The following NGF variants were observed in gnomAD, a reference collection of about 807,000 sequenced individuals.
NGF encodes the protein beta-nerve growth factor.
NGF carries 4 observed loss-of-function variants against 12.8 expected under a neutral mutation model. The observed-to-expected ratio is 0.31, with a 90% confidence interval of 0.15 to 0.72. The LOEUF is 0.72. NGF is among the 30% of genes least tolerant of loss of function. The pLI is 0.69. For synonymous variants in NGF, 140 were observed against 130.0 expected, an observed-to-expected ratio of 1.08 and a Z score of -0.52; for missense variants, 283 against 330.8, an observed-to-expected ratio of 0.86 and a Z score of 1.12.
intron 1 of NGF, among the ~76,000 whole-genome samples, chr1:115,336,569 T>C (rs943575826): frequency 2.0e-5 from 3 of 152,204 alleles, no homozygotes; most frequent in African/African-American, 7.2e-5. Context: ...GTTGCTCAGG[T>C]TGACGTATGA....
chr1:115,324,581 G>A (rs1339624772), intron 1 of NGF, among the ~76,000 whole-genome samples: 2 of 151,970 alleles, frequency 1.3e-5, no homozygotes, highest in Non-Finnish European at 2.9e-5. Flanking sequence ...TCAGAGCCTG[G>A]ACCCCTGAGC....
At chr1:115,322,116 T>C (rs1356993438) in intron 1 of NGF, among the ~76,000 whole-genome samples, 1 of 152,238 alleles carries the variant, frequency 6.6e-6, no homozygotes, top group East Asian at 1.9e-4. Context: ...GAGACAACCC[T>C]ACAATTTGCT....
intron 2 of NGF, among the ~76,000 whole-genome samples, chr1:115,288,052 CA>C (rs1653571057): frequency 6.6e-6 from 1 of 152,172 alleles, no homozygotes; most frequent in South Asian, 2.1e-4. Flanking sequence ...TCCTTTCTCC[CA>C]TCTCTCCTTC....
chr1:115,337,753 G>A (rs1655174839), intron 1 of NGF, among the ~76,000 whole-genome samples: 1 of 152,144 alleles, frequency 6.6e-6, no homozygotes, highest in Non-Finnish European at 1.5e-5. Context: ...GCTCACCTCA[G>A]CCAGCGCGCT....
At chr1:115,322,665 G>T (rs1450220478) in intron 1 of NGF, among the ~76,000 whole-genome samples, 1 of 152,200 alleles carries the variant, frequency 6.6e-6, no homozygotes, top group Admixed American at 6.5e-5. Context: ...TTTGAGGCTT[G>T]TGTGCCCGGA....
At chr1:115,316,975 A>G (rs1317690061) in intron 1 of NGF, among the ~76,000 whole-genome samples, 1 of 152,154 alleles carries the variant, frequency 6.6e-6, no homozygotes, top group Non-Finnish European at 1.5e-5. Context: ...TATTTAGGGT[A>G]CATCCTTCCA....
intron 2 of NGF, 23 bp from the exon 3 acceptor site, chr1:115,286,830 G>T (rs369428555): frequency 1.9e-6 from 3 of 1,613,452 alleles, no homozygotes; most frequent in Non-Finnish European, 1.7e-6. Context: ...AGAAATGAGG[G>T]TGACTTCATG....
intron 1 of NGF, among the ~76,000 whole-genome samples, chr1:115,319,040 G>A (rs1654547999): frequency 6.6e-6 from 1 of 152,156 alleles, no homozygotes; most frequent in Non-Finnish European, 1.5e-5. Context: ...GCGTCCTGGT[G>A]GGGAGACATA....
intron 1 of NGF, among the ~76,000 whole-genome samples, chr1:115,300,606 G>A (rs913898450): frequency 2.6e-5 from 4 of 152,204 alleles, no homozygotes; most frequent in Admixed American, 1.3e-4. Context: ...AGCTGCCATC[G>A]CGTCTTGAGC....
At chr1:115,290,281 T>C (rs1653646305) in intron 2 of NGF, among the ~76,000 whole-genome samples, 1 of 151,548 alleles carries the variant, frequency 6.6e-6, no homozygotes, top group Non-Finnish European at 1.5e-5. Context: ...CCTTTTCTGC[T>C]CTCCACCTCT....
At chr1:115,327,088 A>G (rs1220497664) in intron 1 of NGF, among the ~76,000 whole-genome samples, 1 of 152,212 alleles carries the variant, frequency 6.6e-6, no homozygotes, top group Admixed American at 6.5e-5. Context: ...TATTTCTTAC[A>G]TAATAACTTT....
intron 1 of NGF, among the ~76,000 whole-genome samples, chr1:115,294,174 C>T (rs192273368): frequency 7.3e-4 from 111 of 152,328 alleles, no homozygotes; most frequent in South Asian, 5.4e-3. Flanking sequence ...AAATCCCTGA[C>T]AATTCAGAGC....
At chr1:115,302,323 T>C (rs1654060839) in intron 1 of NGF, among the ~76,000 whole-genome samples, 1 of 152,180 alleles carries the variant, frequency 6.6e-6, no homozygotes, top group Admixed American at 6.5e-5. Context: ...CCACCTTCTT[T>C]ATGAGCACTA....
intron 1 of NGF, among the ~76,000 whole-genome samples, chr1:115,306,419 A>C (rs1167987353): frequency 1.3e-5 from 2 of 152,226 alleles, no homozygotes; most frequent in African/African-American, 2.4e-5. Flanking sequence ...AGTAAATCAC[A>C]AGGCAAAAAA....
In NGF at chr1:115,335,067, A is replaced by G. The variant is rs1655072237; in HGVS notation, c.-137+3137T>C. Among the ~76,000 whole-genome samples the G allele has an allele frequency of 2.0e-5, 3 of 152,228 alleles. No homozygotes were observed. The South Asian group carries it at 6.2e-4, about 32-fold the overall frequency. The stretch of plus-strand genomic sequence containing the variant: ...CTAGTCTGAGGCCTCAAAAGCATGT[A>G]AAGTAGCCCAGAGAGGAGCAATGAA... On this transcript the variant is annotated intron_variant, in intron 1 of 2. Coordinates refer to ENST00000369512, the MANE Select transcript of NGF (RefSeq NM_002506.3).
intron 1 of NGF, among the ~76,000 whole-genome samples, chr1:115,337,247 ATTTTTTTTGTTTTGTTTTTGTTTTTTTT>A (rs1655134380): frequency 1.1e-5 from 1 of 87,932 alleles, no homozygotes; most frequent in African/African-American, 4.3e-5. Flanking sequence ...GAATCTCGAA[ATTTTTTTTGTTTTGTTTTTGTTTTTTTT>A]TTTTTTTTTT....
chr1:115,335,011 C>G (rs753043605), intron 1 of NGF, among the ~76,000 whole-genome samples: 1 of 152,180 alleles, frequency 6.6e-6, no homozygotes, highest in Non-Finnish European at 1.5e-5. Context: ...AAGGGATCAT[C>G]CTAACATTTT....
chr1:115,300,827 C>T (rs937111600), intron 1 of NGF, among the ~76,000 whole-genome samples: 3 of 152,238 alleles, frequency 2.0e-5, no homozygotes, highest in Admixed American at 6.5e-5. Flanking sequence ...GTTTTAGCTA[C>T]TTCCTGTGCA....
At chr1:115,296,832 T>A (rs573893714) in intron 1 of NGF, among the ~76,000 whole-genome samples, 1 of 152,346 alleles carries the variant, frequency 6.6e-6, no homozygotes, top group East Asian at 1.9e-4. Context: ...TATTACAAAT[T>A]TCTAATGCAA....
Sources: gnomAD v4.1 joint callset for allele counts (sites outside exome capture counted in the v4.1 genomes callset) on GRCh38, gnomAD v4.1.1 for gene constraint, MANE v1.5 for transcripts, NCBI Gene and HGNC (gene_info 2026-07-23, HGNC 2026-07-21) for gene names.